STEEP1: variants seen among roughly 807,000 people sequenced by gnomAD.
STEEP1 encodes the protein STING ER exit protein.
In STEEP1, 3 loss-of-function variants were observed where a neutral mutation model predicts 19.2. The ratio of observed to expected loss-of-function variants is 0.16; its 90% CI spans 0.07 to 0.40. The LOEUF (loss-of-function observed/expected upper bound fraction) is 0.40. Ranked by LOEUF, STEEP1 falls within the 10% of genes least tolerant of loss-of-function variation. The pLI is 0.99. For synonymous variants in STEEP1, 46 were observed against 63.7 expected (o/e 0.72, Z 1.32); for missense variants, 54 against 177.1 (o/e 0.30, Z 3.94).
chrX:119,541,530 G>T, intron 5 of STEEP1, 110 bp from the exon 6 acceptor site: 1 of 488,198 alleles, frequency 2.0e-6, no homozygotes, highest in Non-Finnish European at 3.6e-6. Flanking sequence ...GACTAAAATG[G>T]CAGGACTCTG....
intron 2 of STEEP1, among the ~76,000 whole-genome samples, chrX:119,553,758 C>T (rs1410735465): frequency 1.8e-5 from 2 of 111,718 alleles, no homozygotes; most frequent in Non-Finnish European, 3.8e-5. Flanking sequence ...CTGAAGTCGG[C>T]CAATCCCGTA....
At chrX:119,557,155 CAAAAAA>C (rs61087266) in intron 2 of STEEP1, among the ~76,000 whole-genome samples, 29 of 47,763 alleles carry the variant, frequency 6.1e-4, no homozygotes, top group South Asian at 1.9e-3. Context: ...GACTCTATCT[CAAAAAA>C]AAAAAAAAAA....
intron 2 of STEEP1, among the ~76,000 whole-genome samples, chrX:119,546,503 G>T (rs1418380220): frequency 9.1e-6 from 1 of 109,859 alleles, no homozygotes; most frequent in Non-Finnish European, 1.9e-5. Flanking sequence ...ACTCTGTGAG[G>T]TATGTCATAT....
intron 5 of STEEP1, among the ~76,000 whole-genome samples, 183 bp from the exon 6 acceptor site, chrX:119,541,603 CTTGT>C (rs755828637): frequency 1.7e-3 from 193 of 111,937 alleles, no homozygotes; most frequent in Non-Finnish European, 2.7e-3. Flanking sequence ...TGTTTGATTG[CTTGT>C]TTGTTTGTTT....
chrX:119,552,872 C>T (rs1296011326), intron 2 of STEEP1, among the ~76,000 whole-genome samples: 1 of 111,541 alleles, frequency 9.0e-6, no homozygotes, highest in East Asian at 2.8e-4. Flanking sequence ...TTAAAAGAAA[C>T]TAAATCTCGG....
At chrX:119,557,758 C>T (rs952611982) in intron 2 of STEEP1, among the ~76,000 whole-genome samples, 4 of 110,708 alleles carry the variant, frequency 3.6e-5, no homozygotes, top group African/African-American at 6.6e-5. Flanking sequence ...TGCTGGTAAA[C>T]GCCAAAAACC....
chrX:119,544,448 G>C lies in STEEP1; in HGVS notation c.328C>G (p.Pro110Ala), dbSNP rs187784384. 8.3e-7 allele frequency: 1 copy of C among 1,208,677 alleles called. No homozygotes were observed. The highest frequency in any genetic ancestry group is 3.0e-5 in the East Asian group (1 of 33,767). Residue 110 changes from proline to alanine, a missense_variant, in exon 4 of 7, where the codon CCT becomes GCT. Pro to Ala is a conservative substitution (Grantham distance 27). Transcript: ENST00000644802. ...LFYQSQPKNA[P>A]VTFIVDGAVV... is the part of the protein sequence containing the mutation. ...GCTCCATCCACAATGAAGGTAACAG[G>C]AGCATTCTTTGGCTGGGATTGGTAG...
At chrX:119,551,464 G>A (rs1267959286) in intron 2 of STEEP1, among the ~76,000 whole-genome samples, 2 of 94,207 alleles carry the variant, frequency 2.1e-5, no homozygotes, top group African/African-American at 8.1e-5. Flanking sequence ...TGGGCAACAA[G>A]AGCAAAACTC....
intron 2 of STEEP1, among the ~76,000 whole-genome samples, chrX:119,552,289 C>T (rs1279815432): frequency 8.9e-6 from 1 of 111,846 alleles, no homozygotes; most frequent in Non-Finnish European, 1.9e-5. Context: ...CTGCCCGCTT[C>T]GGCCTCCCAA....
Position 119,560,363 on chromosome X carries a change from G to A in STEEP1, c.147C>T (p.Pro49=). The change falls in exon 2 of 7, where the codon CCC becomes CCT. Residue 49 remains proline (P), a synonymous_variant. Transcript: ENST00000644802. ...CACGGGACCGGTCCCGGGGCCTCAT[G>A]GGCAATTTCTCTAACTGGCAGTCTG... is the stretch of plus-strand genomic sequence containing the variant. ...LVLDCQLEKL[P]MRPRDRSRVI... 3 of 1,206,093 alleles carry A rather than the reference G, an allele frequency of 2.5e-6. No individual in the cohort carries two copies. The highest frequency in any genetic ancestry group is 3.5e-5 in the African/African-American group (2 of 57,747).
At chrX:119,557,271 C>T (rs1426933109) in intron 2 of STEEP1, among the ~76,000 whole-genome samples, 1 of 107,643 alleles carries the variant, frequency 9.3e-6, no homozygotes, top group Non-Finnish European at 1.9e-5. Flanking sequence ...TTGCTGTTTA[C>T]TGGTTGTACT....
At chrX:119,543,494 T>C (rs1301236184) in intron 4 of STEEP1, among the ~76,000 whole-genome samples, 1 of 110,174 alleles carries the variant, frequency 9.1e-6, no homozygotes, top group Non-Finnish European at 1.9e-5. Context: ...GCCAATTAAT[T>C]TTTTTTAAGA....
chrX:119,549,736 T>G (rs1173236750), intron 2 of STEEP1, among the ~76,000 whole-genome samples: 1 of 112,377 alleles, frequency 8.9e-6, no homozygotes, highest in East Asian at 2.8e-4. Flanking sequence ...AGCTCGATTT[T>G]AAAACAAAGC....
chrX:119,559,443 T>C (rs1355703983), intron 2 of STEEP1, among the ~76,000 whole-genome samples: 2 of 111,296 alleles, frequency 1.8e-5, no homozygotes, highest in Admixed American at 9.7e-5. Flanking sequence ...TCCCTTCATC[T>C]ACTTGGTGAA....
At chrX:119,565,012 A>G (rs1274230705) in intron 1 of STEEP1, 14 of 358,117 alleles carry the variant, frequency 3.9e-5, no homozygotes, top group Non-Finnish European at 5.5e-5. Context: ...TTTAGTTTTG[A>G]GGAAGGTCTG....
chrX:119,564,504 G>A (rs1376172417), intron 1 of STEEP1, among the ~76,000 whole-genome samples: 18 of 14,374 alleles, frequency 1.3e-3, no homozygotes, highest in African/African-American at 3.0e-3. Context: ...TGAAAAAAAA[G>A]GGGGGGGGGA....
At chrX:119,540,322 G>A (rs1462360020) in intron 6 of STEEP1, among the ~76,000 whole-genome samples, 3 of 111,476 alleles carry the variant, frequency 2.7e-5, no homozygotes, top group Non-Finnish European at 5.6e-5. Context: ...TTACAAATCT[G>A]TTCATGGAAA....
In STEEP1 at chrX:119,538,257, C is replaced by T. The variant is rs1245427256; in HGVS notation, c.*1470G>A. The T allele has an allele frequency of 9.0e-6, 1 of 111,129 alleles. No individual in the cohort carries two copies. The highest frequency in any genetic ancestry group is 1.9e-5 in the Non-Finnish European group (1 of 53,095). The allele number at this position is 111,129 out of a possible 1,213,427, so 9.2% of individuals were successfully genotyped here. A position where few individuals can be genotyped will look rare whatever the true frequency, so the allele number is the denominator to read the frequency against. On this transcript the variant is annotated 3_prime_UTR_variant, in exon 7 of 7. Transcript: ENST00000644802. ...TGACATAAAATAACATCTATATATA[C>T]AACACTCCTCTGCAAATAACAAATG...
intron 1 of STEEP1, 48 bp from the exon 2 acceptor site, chrX:119,560,433 C>T (rs753817932): frequency 1.2e-6 from 1 of 859,183 alleles, no homozygotes; most frequent in East Asian, 3.1e-5. Flanking sequence ...CAAAATATAG[C>T]AAATGAGTCA....
Sources: gnomAD v4.1 joint callset for allele counts (sites outside exome capture counted in the v4.1 genomes callset) on GRCh38, gnomAD v4.1.1 for gene constraint, MANE v1.5 for transcripts, NCBI Gene and HGNC (gene_info 2026-07-23, HGNC 2026-07-21) for gene names.